FOXN3: variants seen among roughly 807,000 people sequenced by gnomAD.
FOXN3 encodes forkhead box N3.
FOXN3 carries 7 observed loss-of-function variants against 38.4 expected under a neutral mutation model. The ratio of observed to expected loss-of-function variants is 0.18; its 90% CI spans 0.10 to 0.34. The LOEUF (loss-of-function observed/expected upper bound fraction) is 0.34. Ranked by LOEUF, FOXN3 falls within the 10% of genes least tolerant of loss-of-function variation. The pLI, the probability that FOXN3 is intolerant of heterozygous loss-of-function variation, is 1.00. For missense variants in FOXN3, 456 were observed against 613.4 expected (o/e 0.74, Z 2.71); for synonymous variants, 230 against 242.2 (o/e 0.95, Z 0.47).
chr14:89,487,126 T>TTAGA (rs1195179811), intron 1 of FOXN3, among the ~76,000 whole-genome samples: 7 of 152,180 alleles, frequency 4.6e-5, no homozygotes, highest in Non-Finnish European at 7.3e-5. Context: ...ACGACTCTAT[T>TTAGA]TTATTGTTGT....
At chr14:89,296,232 C>T (rs1468570591) in intron 3 of FOXN3, among the ~76,000 whole-genome samples, 2 of 152,176 alleles carry the variant, frequency 1.3e-5, no homozygotes, top group Admixed American at 1.3e-4. Context: ...TATGATACAT[C>T]TCATGAACAG....
upstream of FOXN3, among the ~76,000 whole-genome samples, chr14:89,418,027 C>T (rs532069471): frequency 1.2e-4 from 19 of 152,334 alleles, no homozygotes; most frequent in African/African-American, 4.3e-4. Context: ...AATGGTGCAG[C>T]CACCACTCTA....
intron 1 of FOXN3, among the ~76,000 whole-genome samples, chr14:89,559,856 G>A (rs534991266): frequency 9.7e-4 from 148 of 152,102 alleles, no homozygotes; most frequent in African/African-American, 3.3e-3. Context: ...GCAGTCACCC[G>A]AGCTCTCAGA....
upstream of FOXN3, among the ~76,000 whole-genome samples, chr14:89,420,628 T>C (rs149346610): frequency 0.017 from 2,518 of 152,286 alleles, 55 homozygotes; most frequent in Non-Finnish European, 0.017. Flanking sequence ...TCTGACTTGA[T>C]TGTAGTAGAA....
chr14:89,521,351 TGATA>T (rs749255133), intron 1 of FOXN3, among the ~76,000 whole-genome samples: 4 of 91,236 alleles, frequency 4.4e-5, no homozygotes, highest in African/African-American at 1.5e-4. Context: ...TCTTCATAGA[TGATA>T]GATAGAGAGA....
At chr14:89,201,105 T>C (rs976073709) in intron 4 of FOXN3, among the ~76,000 whole-genome samples, 1 of 152,196 alleles carries the variant, frequency 6.6e-6, no homozygotes, top group Non-Finnish European at 1.5e-5. Flanking sequence ...TCAGTTTATA[T>C]ATTTTTTAAA....
chr14:89,549,071 A>T (rs1416179928), intron 1 of FOXN3, among the ~76,000 whole-genome samples: 3 of 151,834 alleles, frequency 2.0e-5, no homozygotes, highest in African/African-American at 7.3e-5. Flanking sequence ...GTGAGCTGAG[A>T]TCATGCCACT....
At chr14:89,540,271 C>G (rs1894768444) in intron 1 of FOXN3, among the ~76,000 whole-genome samples, 1 of 152,202 alleles carries the variant, frequency 6.6e-6, no homozygotes, top group African/African-American at 2.4e-5. Flanking sequence ...AGATCAAGAC[C>G]TTGAAAACAG....
At chr14:89,206,571 G>A (rs1888391405) in intron 4 of FOXN3, among the ~76,000 whole-genome samples, 1 of 152,214 alleles carries the variant, frequency 6.6e-6, no homozygotes. Context: ...AACATCTGGA[G>A]AGGCGCTCTG....
chr14:89,315,161 T>C (rs1217468773), intron 3 of FOXN3, among the ~76,000 whole-genome samples: 1 of 152,028 alleles, frequency 6.6e-6, no homozygotes, highest in Non-Finnish European at 1.5e-5. Context: ...CCCAGCATCA[T>C]TCTAGGGCAC....
At chr14:89,600,631 A>G (rs1896136858) in intron 1 of FOXN3, among the ~76,000 whole-genome samples, 1 of 152,226 alleles carries the variant, frequency 6.6e-6, no homozygotes, top group Non-Finnish European at 1.5e-5. Flanking sequence ...TGACTGAATT[A>G]TTTGGTTTTC....
At chr14:89,527,976 A>G (rs968722830) in intron 1 of FOXN3, among the ~76,000 whole-genome samples, 13 of 152,212 alleles carry the variant, frequency 8.5e-5, no homozygotes, top group African/African-American at 3.1e-4. Flanking sequence ...TGCTGGGATT[A>G]CCAACAATGG....
chr14:89,459,184 A>G (rs1019449136), intron 1 of FOXN3, among the ~76,000 whole-genome samples: 5 of 151,198 alleles, frequency 3.3e-5, no homozygotes, highest in Non-Finnish European at 5.9e-5. Context: ...AAAAAAGGGG[A>G]AAAAAAACAG....
intron 1 of FOXN3, among the ~76,000 whole-genome samples, chr14:89,441,969 C>T (rs538756635): frequency 8.9e-5 from 13 of 146,366 alleles, no homozygotes; most frequent in South Asian, 2.1e-4. Context: ...TCTTGTTGCC[C>T]GGGCTGGAGT....
intron 3 of FOXN3, among the ~76,000 whole-genome samples, chr14:89,336,216 C>CTCCATCCATCCATCCATCCATCCATCCA (rs71130057): frequency 3.1e-4 from 44 of 143,160 alleles, no homozygotes; most frequent in Middle Eastern, 6.9e-3. Context: ...CTAACGGTGC[C>CTCCATCCATCCATCCATCCATCCATCCA]TCCATCCATC....
At position 89,198,170 on chromosome 14, in the gene FOXN3, G is replaced by A. The variant is rs188584568; in HGVS notation, c.746-17364C>T. ...TATACTATGTAGTGAGATGATGGCC[G>A]CGTCTGTACTGAACATGTTCAGGCT... On this transcript the variant is annotated intron_variant, in intron 4 of 5. Coordinates refer to ENST00000557258, the MANE Select transcript of FOXN3 (RefSeq NM_005197.4). 3.9e-3 allele frequency among the ~76,000 whole-genome samples: 590 copies of A among 152,238 alleles called. 5 individuals carry two copies. The highest frequency in any genetic ancestry group is 0.013 in the African/African-American group (558 of 41,518).
chr14:89,441,535 G>A (rs947386555), intron 1 of FOXN3, among the ~76,000 whole-genome samples: 5 of 152,056 alleles, frequency 3.3e-5, no homozygotes, highest in African/African-American at 7.2e-5. Context: ...CATTACAGGC[G>A]CTCTTAATCA....
At chr14:89,453,094 G>T (rs1892647742) in intron 1 of FOXN3, among the ~76,000 whole-genome samples, 1 of 152,110 alleles carries the variant, frequency 6.6e-6, no homozygotes, top group Non-Finnish European at 1.5e-5. Context: ...AGATACTCAT[G>T]AGGCTGAGGC....
chr14:89,333,749 T>TAAAA (rs57491119), intron 3 of FOXN3, among the ~76,000 whole-genome samples: 1 of 57,290 alleles, frequency 1.7e-5, no homozygotes, highest in African/African-American at 6.3e-5. Context: ...GAGAGACTAT[T>TAAAA]AAAAAAAAAA....
Sources: gnomAD v4.1 joint callset for allele counts (sites outside exome capture counted in the v4.1 genomes callset) on GRCh38, gnomAD v4.1.1 for gene constraint, MANE v1.5 for transcripts, NCBI Gene and HGNC (gene_info 2026-07-23, HGNC 2026-07-21) for gene names.